MAGI2: variants seen among roughly 807,000 people sequenced by gnomAD.
MAGI2 encodes the protein membrane-associated guanylate kinase, WW and PDZ domain-containing protein 2.
A neutral mutation model predicts 133.3 loss-of-function variants in MAGI2; 35 were observed. That is an observed-to-expected ratio of 0.26 (90% CI 0.20 to 0.35). The LOEUF (loss-of-function observed/expected upper bound fraction) is 0.35. Among genes scored for constraint, MAGI2 ranks in the 10% least tolerant of loss-of-function variants. The pLI is 1.00. For missense variants in MAGI2, 1,636 were observed against 1,863.4 expected (o/e 0.88, Z 2.25); for synonymous variants, 729 against 710.6 (o/e 1.03, Z -0.41).
At chr7:79,230,849 G>A (rs1417567163) in intron 1 of MAGI2, among the ~76,000 whole-genome samples, 49 of 145,920 alleles carry the variant, frequency 3.4e-4, no homozygotes, top group African/African-American at 1.2e-3. Context: ...TTGGTGTTTT[G>A]GACATGAAGT....
intron 6 of MAGI2, among the ~76,000 whole-genome samples, chr7:78,435,303 C>T (rs1800175139): frequency 6.6e-6 from 1 of 152,040 alleles, no homozygotes; most frequent in Admixed American, 6.6e-5. Context: ...AAGAGTTGCT[C>T]TCCCCCACAC....
intron 2 of MAGI2, among the ~76,000 whole-genome samples, chr7:78,775,763 T>G (rs1175589306): frequency 6.6e-6 from 1 of 152,158 alleles, no homozygotes; most frequent in Non-Finnish European, 1.5e-5. Context: ...GTCTGGAAAA[T>G]CTAAAGAATT....
At chr7:79,196,955 T>G (rs61384694) in intron 1 of MAGI2, among the ~76,000 whole-genome samples, 9,661 of 151,092 alleles carry the variant, frequency 0.064, 826 homozygotes, top group African/African-American at 0.18. Flanking sequence ...TTTATATATA[T>G]AGAGAGAGAG....
At chr7:78,450,209 A>G (rs1012345864) in intron 6 of MAGI2, among the ~76,000 whole-genome samples, 3 of 152,026 alleles carry the variant, frequency 2.0e-5, no homozygotes, top group Non-Finnish European at 4.4e-5. Flanking sequence ...GTGATGAACA[A>G]TACAAAATAT....
At chr7:78,169,783 T>G (rs1825947877) in intron 14 of MAGI2, among the ~76,000 whole-genome samples, 1 of 152,248 alleles carries the variant, frequency 6.6e-6, no homozygotes. Context: ...TTAGACTGGC[T>G]GCACAGTGCA....
intron 1 of MAGI2, among the ~76,000 whole-genome samples, chr7:79,246,220 C>T (rs1277982404): frequency 6.6e-6 from 1 of 152,000 alleles, no homozygotes; most frequent in Non-Finnish European, 1.5e-5. Flanking sequence ...AAATAAATGC[C>T]CAACTCTTCA....
chr7:78,216,761 C>A lies in MAGI2; in HGVS notation c.2048-15568G>T, dbSNP rs567849220. Reference sequence around the variant, plus strand: ...CATAGCTGCATAAACCTCAATGCTACTTCCCATTTCCATGGTTGAGACCAC... The same window carrying A: ...CATAGCTGCATAAACCTCAATGCTAATTCCCATTTCCATGGTTGAGACCAC... On this transcript the variant is annotated intron_variant, in intron 10 of 21. Transcript: ENST00000354212. Among the ~76,000 whole-genome samples the A allele has an allele frequency of 2.2e-4, 34 of 152,344 alleles. No homozygotes were observed. The South Asian group carries it at 6.4e-3, about 29-fold the overall frequency.
intron 9 of MAGI2, among the ~76,000 whole-genome samples, chr7:78,329,634 C>A (rs989662540): frequency 1.3e-5 from 2 of 152,178 alleles, no homozygotes; most frequent in Non-Finnish European, 2.9e-5. Context: ...AACTATCTTA[C>A]CCTCCTCAGA....
chr7:79,449,289 A>G (rs1849069750), intron 1 of MAGI2, among the ~76,000 whole-genome samples: 1 of 151,958 alleles, frequency 6.6e-6, no homozygotes, highest in South Asian at 2.1e-4. Flanking sequence ...AGCAATGTAG[A>G]TCTTCTCTAA....
At chr7:78,317,766 A>C (rs62463923) in intron 9 of MAGI2, among the ~76,000 whole-genome samples, 6,973 of 152,294 alleles carry the variant, frequency 0.046, 230 homozygotes, top group South Asian at 0.12. Flanking sequence ...TGGGTGCCCC[A>C]CTAGGATGAA....
intron 1 of MAGI2, among the ~76,000 whole-genome samples, chr7:79,243,752 T>A (rs1330244601): frequency 6.6e-6 from 1 of 152,168 alleles, no homozygotes; most frequent in East Asian, 1.9e-4. Flanking sequence ...TAAAACAGTA[T>A]CTTCTAAAAT....
At chr7:79,111,176 A>G (rs1018582461) in intron 1 of MAGI2, among the ~76,000 whole-genome samples, 1 of 152,246 alleles carries the variant, frequency 6.6e-6, no homozygotes, top group Non-Finnish European at 1.5e-5. Flanking sequence ...TTTGATTTAT[A>G]AGACAATTTA....
chr7:78,307,889 G>A (rs1034064250), intron 9 of MAGI2, among the ~76,000 whole-genome samples: 3 of 152,104 alleles, frequency 2.0e-5, no homozygotes, highest in Non-Finnish European at 4.4e-5. Flanking sequence ...TGAAAAGAGG[G>A]GCCCTCATTA....
rs139891999 is a variant in MAGI2 at position 79,075,082 on chromosome 7, C to T, written c.302-67876G>A. Among the ~76,000 whole-genome samples the T allele has an allele frequency of 5.3e-5, 8 of 152,312 alleles. No individual in the cohort carries two copies. The East Asian group carries it at 1.5e-3, about 29-fold the overall frequency. ...CAATTGTCAAATCCTCCCACAACCA[C>T]ACTCATGGAAAGAACTATGTAGCAG... On this transcript the variant is annotated intron_variant, in intron 1 of 21. Transcript: ENST00000354212.
chr7:78,259,615 G>C (rs1032691427), intron 9 of MAGI2, among the ~76,000 whole-genome samples: 4 of 152,176 alleles, frequency 2.6e-5, no homozygotes, highest in African/African-American at 9.6e-5. Context: ...AGGATGACTT[G>C]AGTATGATTG....
intron 1 of MAGI2, among the ~76,000 whole-genome samples, chr7:79,341,275 G>T (rs1227622616): frequency 6.6e-6 from 1 of 152,126 alleles, no homozygotes; most frequent in Non-Finnish European, 1.5e-5. Context: ...CTGAGCATAA[G>T]ATCATGAACA....
chr7:78,092,947 G>A (rs1817346186), intron 20 of MAGI2, among the ~76,000 whole-genome samples: 1 of 151,790 alleles, frequency 6.6e-6, no homozygotes, highest in Non-Finnish European at 1.5e-5. Flanking sequence ...TGAAAGTAAT[G>A]GCAGGGAAAC....
intron 16 of MAGI2, among the ~76,000 whole-genome samples, chr7:78,135,423 A>C (rs1460167150): frequency 6.6e-6 from 1 of 152,218 alleles, no homozygotes; most frequent in African/African-American, 2.4e-5. Context: ...GGCCAATTCC[A>C]AACACAGACC....
intron 2 of MAGI2, among the ~76,000 whole-genome samples, chr7:78,785,540 A>AT (rs1399396922): frequency 1.2e-4 from 19 of 152,020 alleles, no homozygotes; most frequent in African/African-American, 2.2e-4. Flanking sequence ...TATGTGTAAC[A>AT]TTTTTTTTAT....
Sources: gnomAD v4.1 joint callset for allele counts (sites outside exome capture counted in the v4.1 genomes callset) on GRCh38, gnomAD v4.1.1 for gene constraint, MANE v1.5 for transcripts, NCBI Gene and HGNC (gene_info 2026-07-23, HGNC 2026-07-21) for gene names.